The following NREP variants were observed in gnomAD, a reference collection of about 807,000 sequenced individuals.
NREP encodes neuronal regeneration-related protein.
A neutral mutation model predicts 8.6 loss-of-function variants in NREP; 5 were observed. That is an observed-to-expected ratio of 0.58 (90% confidence interval 0.30 to 1.22). NREP has a LOEUF of 1.22. NREP is among the 50% of genes most tolerant of loss of function. The pLI, the probability that NREP is intolerant of heterozygous loss-of-function variation, is 0.07. For synonymous variants in NREP, 27 were observed against 28.0 expected (o/e 0.96, Z 0.11); for missense variants, 86 against 82.5 (o/e 1.04, Z -0.17).
intron 2 of NREP, among the ~76,000 whole-genome samples, chr5:111,840,788 T>C (rs1753010301): frequency 6.6e-6 from 1 of 152,096 alleles, no homozygotes; most frequent in Admixed American, 6.6e-5. Flanking sequence ...CAAATAGGAA[T>C]AGTAAAGATG....
At chr5:111,884,525 A>G (rs894305653) in intron 2 of NREP, among the ~76,000 whole-genome samples, 23 of 152,322 alleles carry the variant, frequency 1.5e-4, no homozygotes, top group Non-Finnish European at 3.1e-4. Flanking sequence ...CAACCAAAGA[A>G]GAGAATTTTA....
intron 2 of NREP, among the ~76,000 whole-genome samples, chr5:111,821,914 T>A (rs1239993155): frequency 6.6e-6 from 1 of 152,160 alleles, no homozygotes; most frequent in Admixed American, 6.5e-5. Flanking sequence ...TGTGTTGCAG[T>A]AATATTACGT....
At chr5:111,926,632 G>A (rs1328720620) in intron 2 of NREP, among the ~76,000 whole-genome samples, 3 of 151,964 alleles carry the variant, frequency 2.0e-5, no homozygotes, top group African/African-American at 7.2e-5. Context: ...AGAGTCTTGG[G>A]GTCAAAGGAC....
chr5:111,896,969 T>C (rs561784786), intron 2 of NREP, among the ~76,000 whole-genome samples: 1 of 152,332 alleles, frequency 6.6e-6, no homozygotes, highest in Admixed American at 6.5e-5. Context: ...AAACAGTTTA[T>C]CATCATATGT....
chr5:111,931,816 T>A (rs1755545343), intron 2 of NREP, among the ~76,000 whole-genome samples: 1 of 152,148 alleles, frequency 6.6e-6, no homozygotes, highest in South Asian at 2.1e-4. Flanking sequence ...TCTCTCTTTT[T>A]TTGAAAGATT....
chr5:111,943,595 C>A (rs902366876), intron 2 of NREP, among the ~76,000 whole-genome samples: 2 of 152,096 alleles, frequency 1.3e-5, no homozygotes, highest in African/African-American at 4.8e-5. Context: ...AATTCATTTT[C>A]ATGCTGAAGC....
rs111939558 is a variant in NREP, at chr5:111,881,311, C to T, written c.135+93963G>A. Among the ~76,000 whole-genome samples, 732 of 152,278 alleles carry T rather than the reference C, an allele frequency of 4.8e-3. 3 individuals carry two copies. Among genetic ancestry groups the T allele is most frequent in the African/African-American group, 0.016 (683 of 41,564 alleles). ...CATTGCCCAGGCTTGCTTAGGTAAA[C>T]AAAGCAGCCTGGGAAGCTCCAACTG... On this transcript the variant is annotated intron_variant, in intron 2 of 3. Coordinates refer to the NREP transcript ENST00000395634.
chr5:111,842,030 A>G (rs573718303), intron 2 of NREP, among the ~76,000 whole-genome samples: 4 of 152,106 alleles, frequency 2.6e-5, no homozygotes, highest in African/African-American at 4.8e-5. Context: ...GTTGAGTGCT[A>G]TACTTTCTTG....
chr5:111,729,843 T>G lies in NREP; in HGVS notation c.*1078A>C, dbSNP rs1399772201. Reference sequence around the variant, plus strand: ...TCTGCCTTTTAAAAAAGTATCATGATTTTGTAGACCTTGTTTTCCAATTTA... The same window carrying G: ...TCTGCCTTTTAAAAAAGTATCATGAGTTTGTAGACCTTGTTTTCCAATTTA... On this transcript the variant is annotated 3_prime_UTR_variant, in exon 4 of 4. Coordinates refer to ENST00000257435, the MANE Select transcript of NREP (RefSeq NM_004772.4). 6.6e-6 allele frequency: 1 copy of G among 152,654 alleles called. No individual in the cohort carries two copies. The highest frequency in any genetic ancestry group is 1.5e-5 in the Non-Finnish European group (1 of 68,040). The allele number at this position is 152,654 out of a possible 1,614,324, so 9.5% of individuals were successfully genotyped here.
intron 2 of NREP, among the ~76,000 whole-genome samples, chr5:111,769,045 T>C (rs1267581467): frequency 6.6e-6 from 1 of 152,206 alleles, no homozygotes; most frequent in African/African-American, 2.4e-5. Flanking sequence ...TGACTTTTAA[T>C]AATAGGCATT....
upstream of NREP, among the ~76,000 whole-genome samples, chr5:111,760,593 G>A (rs975040277): frequency 1.3e-5 from 2 of 152,218 alleles, no homozygotes; most frequent in African/African-American, 4.8e-5. Flanking sequence ...AATCAGACCA[G>A]CAGTTCAAAG....
At chr5:111,861,785 C>T (rs995304211) in intron 2 of NREP, among the ~76,000 whole-genome samples, 12 of 152,106 alleles carry the variant, frequency 7.9e-5, no homozygotes, top group East Asian at 3.9e-4. Context: ...ATCCTAATCA[C>T]GTTCCCCAGT....
chr5:111,769,027 G>GT (rs960178700), intron 2 of NREP, among the ~76,000 whole-genome samples: 66 of 151,888 alleles, frequency 4.3e-4, no homozygotes, highest in African/African-American at 1.0e-3. Context: ...AGCATCTGTT[G>GT]TTTTTTTTGA....
intron 2 of NREP, among the ~76,000 whole-genome samples, chr5:111,774,319 G>A (rs544115908): frequency 1.3e-5 from 2 of 152,194 alleles, no homozygotes; most frequent in East Asian, 3.9e-4. Context: ...TGATATTATG[G>A]TAGGCAGAAT....
intron 2 of NREP, among the ~76,000 whole-genome samples, chr5:111,813,486 A>T (rs1461707284): frequency 6.6e-6 from 1 of 152,082 alleles, no homozygotes; most frequent in Non-Finnish European, 1.5e-5. Context: ...GTATTCGTTC[A>T]TGCTTATATT....
chr5:111,919,538 C>G (rs1755163802), intron 2 of NREP, among the ~76,000 whole-genome samples: 1 of 152,094 alleles, frequency 6.6e-6, no homozygotes. Flanking sequence ...GAATACTATG[C>G]AGCCATAAAA....
At chr5:111,889,822 T>C (rs1561712875) in intron 2 of NREP, among the ~76,000 whole-genome samples, 1 of 151,854 alleles carries the variant, frequency 6.6e-6, no homozygotes, top group Non-Finnish European at 1.5e-5. Context: ...GGCAGTTTCA[T>C]AGGATTTGGG....
At chr5:111,826,056 C>T (rs1031766811) in intron 2 of NREP, among the ~76,000 whole-genome samples, 2 of 151,690 alleles carry the variant, frequency 1.3e-5, no homozygotes, top group East Asian at 3.9e-4. Flanking sequence ...CGTGTTCAAG[C>T]GATTCTCCTG....
At chr5:111,805,737 T>C (rs1390328525) in intron 2 of NREP, among the ~76,000 whole-genome samples, 3 of 150,678 alleles carry the variant, frequency 2.0e-5, no homozygotes, top group Non-Finnish European at 4.4e-5. Flanking sequence ...CAATAGGTGT[T>C]ATATATGTTT....
Sources: allele counts gnomAD v4.1 joint callset (sites outside exome capture counted in the v4.1 genomes callset), GRCh38; gene constraint gnomAD v4.1.1; transcripts MANE v1.5; gene names NCBI Gene and HGNC (gene_info 2026-07-23, HGNC 2026-07-21).